The following KIAA1217 variants were observed in gnomAD, a reference collection of about 807,000 sequenced individuals.
KIAA1217 encodes the protein KIAA1217, also known as sickle tail protein homolog.
KIAA1217 carries 88 observed loss-of-function variants against 163.9 expected under a neutral mutation model. The observed-to-expected ratio is 0.54, with a 90% CI of 0.45 to 0.64. The LOEUF (loss-of-function observed/expected upper bound fraction) is 0.64. KIAA1217 is among the 30% of genes least tolerant of loss of function. KIAA1217 has a pLI of 0.00. For synonymous variants in KIAA1217, 903 were observed against 923.1 expected (o/e 0.98, Z 0.39); for missense variants, 2,372 against 2,475.0 (o/e 0.96, Z 0.88).
At chr10:23,700,584 C>T (rs1338832780) in intron 1 of KIAA1217, among the ~76,000 whole-genome samples, 2 of 152,134 alleles carry the variant, frequency 1.3e-5, no homozygotes, top group African/African-American at 2.4e-5. Context: ...TCTACAACTT[C>T]CCTCTTTAAT....
At chr10:23,997,676 T>C (rs1051047054) in intron 1 of KIAA1217, among the ~76,000 whole-genome samples, 1 of 152,208 alleles carries the variant, frequency 6.6e-6, no homozygotes, top group South Asian at 2.1e-4. Flanking sequence ...GATAGAGAGA[T>C]GTAACAGACC....
intron 1 of KIAA1217, among the ~76,000 whole-genome samples, chr10:23,728,846 C>CT (rs1838314589): frequency 6.6e-6 from 1 of 152,182 alleles, no homozygotes; most frequent in Admixed American, 6.5e-5. Flanking sequence ...AGCACAGCCT[C>CT]TGCAGTCATC....
Position 24,445,627 on chromosome 10 carries a change from G to A in KIAA1217, c.846+7148G>A, listed in dbSNP as rs183884995. Among the ~76,000 whole-genome samples the A allele has an allele frequency of 2.7e-4, 40 of 146,842 alleles. No individual in the cohort carries two copies. In the East Asian group the frequency reaches 6.6e-3, roughly 24 times the overall value. On this transcript the variant is annotated intron_variant, in intron 5 of 20. Coordinates refer to ENST00000376454, the MANE Select transcript of KIAA1217 (RefSeq NM_019590.5). ...TTCCCACCTATAAGTGAGAACATGC[G>A]GTCTTTGGTTTTTTGTCCTTGCGAT...
rs533265065 is a variant in KIAA1217 at position 24,430,156 on chromosome 10, T to G, written c.554-2839T>G. Among the ~76,000 whole-genome samples the G allele has an allele frequency of 2.6e-5, 4 of 152,162 alleles. 1 individual carries two copies. The South Asian group carries it at 8.3e-4, about 32-fold the overall frequency. On this transcript the variant is annotated intron_variant, in intron 3 of 20. Transcript: ENST00000376454. ...GCAAGGCAAGACTCAGTCTCTCACA[T>G]ACACACAAAAGTTTGTCTCTTCTCA...
At chr10:23,944,765 T>C (rs1399631571) in intron 1 of KIAA1217, among the ~76,000 whole-genome samples, 2 of 152,162 alleles carry the variant, frequency 1.3e-5, no homozygotes, top group Non-Finnish European at 1.5e-5. Flanking sequence ...CAGTTTCTTA[T>C]AAAGTTAAAC....
rs1189810173 is a variant in KIAA1217 at position 24,261,934 on chromosome 10, A to C, written c.354+42025A>C. On this transcript the variant is annotated intron_variant, in intron 2 of 20. Transcript: ENST00000376454. Reference sequence around the variant, plus strand: ...TGGCCTTTCAGAATCAGTATTTTACATACAAGGACTCGATTTCACAGAAAA... The same window carrying C: ...TGGCCTTTCAGAATCAGTATTTTACCTACAAGGACTCGATTTCACAGAAAA... Among the ~76,000 whole-genome samples, 4 of 152,350 alleles carry C rather than the reference A, an allele frequency of 2.6e-5. No homozygotes were observed. In the East Asian group the frequency reaches 5.8e-4, roughly 22 times the overall value.
intron 2 of KIAA1217, among the ~76,000 whole-genome samples, chr10:24,309,070 C>A (rs11819583): frequency 0.21 from 29,040 of 137,836 alleles, 2,838 homozygotes; most frequent in South Asian, 0.24. Context: ...TTGCAGTGAG[C>A]TGAGATCACA....
At chr10:24,001,248 T>A (rs1246313829) in intron 1 of KIAA1217, among the ~76,000 whole-genome samples, 2 of 152,242 alleles carry the variant, frequency 1.3e-5, no homozygotes, top group African/African-American at 4.8e-5. Flanking sequence ...CATTCATTCA[T>A]ACATCTGCCA....
At chr10:24,266,704 A>C (rs7919749) in intron 2 of KIAA1217, among the ~76,000 whole-genome samples, 11,866 of 152,176 alleles carry the variant, frequency 0.078, 874 homozygotes, top group East Asian at 0.33. Flanking sequence ...AATCAGCAGG[A>C]GTCTAAAAGT....
chr10:24,220,013 C>G, intron 2 of KIAA1217, 104 bp downstream of exon 2: 1 of 1,181,300 alleles, frequency 8.5e-7, no homozygotes, highest in Non-Finnish European at 1.2e-6. Flanking sequence ...GCTTAGTGGA[C>G]TGTGCATACT....
chr10:24,245,356 A>T (rs1356651204), intron 2 of KIAA1217, among the ~76,000 whole-genome samples: 1 of 152,130 alleles, frequency 6.6e-6, no homozygotes, highest in African/African-American at 2.4e-5. Context: ...CTCTGCTCAG[A>T]TCATACAAGA....
At chr10:24,273,201 A>G (rs1247764413) in intron 2 of KIAA1217, among the ~76,000 whole-genome samples, 1 of 152,254 alleles carries the variant, frequency 6.6e-6, no homozygotes, top group East Asian at 1.9e-4. Flanking sequence ...AATTATGTTT[A>G]GAGGCTGATA....
chr10:24,520,628 A>AT, intron 11 of KIAA1217, among the ~76,000 whole-genome samples: 1 of 27,500 alleles, frequency 3.6e-5, no homozygotes, highest in Non-Finnish European at 5.4e-5. Context: ...CATCTCTACC[A>AT]AAAAAAAAAA....
At chr10:23,792,829 G>T (rs1836019517) in intron 1 of KIAA1217, among the ~76,000 whole-genome samples, 1 of 152,008 alleles carries the variant, frequency 6.6e-6, no homozygotes, top group South Asian at 2.1e-4. Flanking sequence ...AAGATTGAAC[G>T]TGGGTAAAAA....
At chr10:23,871,630 C>G (rs1401685007) in intron 1 of KIAA1217, among the ~76,000 whole-genome samples, 1 of 151,480 alleles carries the variant, frequency 6.6e-6, no homozygotes, top group Admixed American at 6.7e-5. Context: ...ACATCTCCCC[C>G]TTCTACCCCT....
rs987997669 is a variant in KIAA1217 at position 24,269,259 on chromosome 10, A to T, written c.354+49350A>T. On this transcript the variant is annotated intron_variant, in intron 2 of 20. Transcript: ENST00000376454. ...GGATTGTGGCCTGGCGCAGTGGTTC[A>T]CACTTGTAATCTCAACAGTTTGGGA... is the stretch of plus-strand genomic sequence containing the variant. Among the ~76,000 whole-genome samples the T allele has an allele frequency of 2.0e-5, 3 of 151,238 alleles. No homozygotes were observed. The East Asian group carries it at 5.8e-4, about 29-fold the overall frequency.
chr10:24,054,306 G>T (rs1849727442), intron 2 of KIAA1217, among the ~76,000 whole-genome samples: 1 of 152,188 alleles, frequency 6.6e-6, no homozygotes, highest in South Asian at 2.1e-4. Flanking sequence ...ATCAGGGCAG[G>T]ACAGAAGCTA....
chr10:23,792,709 A>G (rs1195737895), intron 1 of KIAA1217, among the ~76,000 whole-genome samples: 9 of 150,482 alleles, frequency 6.0e-5, no homozygotes. Flanking sequence ...TCACCATGTT[A>G]GCCAGGATGG....
At chr10:24,309,030 G>T (rs566844492) in intron 2 of KIAA1217, among the ~76,000 whole-genome samples, 1 of 151,262 alleles carries the variant, frequency 6.6e-6, no homozygotes, top group East Asian at 2.0e-4. Flanking sequence ...GGCTGAGGTC[G>T]GAGGATCACT....
Sources: allele counts gnomAD v4.1 joint callset (sites outside exome capture counted in the v4.1 genomes callset), GRCh38; gene constraint gnomAD v4.1.1; transcripts MANE v1.5; gene names NCBI Gene and HGNC (gene_info 2026-07-23, HGNC 2026-07-21).